The following SLC44A2 variants were observed in gnomAD, a reference collection of about 807,000 sequenced individuals.
SLC44A2 encodes solute carrier family 44 member 2 (CTL2 blood group), also known as choline transporter-like protein 2.
In SLC44A2, 57 loss-of-function variants were observed where a neutral mutation model predicts 90.8. The observed-to-expected ratio is 0.63, with a 90% confidence interval of 0.51 to 0.78. SLC44A2 has a LOEUF of 0.78. Ranked by LOEUF, SLC44A2 falls within the 30% of genes least tolerant of loss-of-function variation. The probability of loss-of-function intolerance (pLI) is 0.00; values close to 1 mark genes in which losing one functional copy is unlikely to be tolerated. For synonymous variants in SLC44A2, 355 were observed against 360.7 expected (o/e 0.98, Z 0.18); for missense variants, 794 against 919.7 (o/e 0.86, Z 1.77).
chr19:10,635,442 C>T lies in SLC44A2; in HGVS notation c.1160C>T (p.Thr387Ile). The stretch of plus-strand genomic sequence containing the variant: ...TAACGAACCTCCAGCTTCCTGTCCA[C>T]TTCCAACGAAGCGGTCTATAAGATC... ...YWASTAVFLSTSNEAVYKIFD... is the reference protein window; with the variant it reads ...YWASTAVFLSISNEAVYKIFD... Residue 387 changes from threonine (T) to isoleucine (I), a missense_variant, in exon 14 of 22, where the codon ACT (threonine) becomes ATT (isoleucine). Thr to Ile is a moderately conservative substitution (Grantham distance 89, BLOSUM62 -1). Transcript: ENST00000335757. 1 of 1,614,166 alleles carries T rather than the reference C, an allele frequency of 6.2e-7. No individual in the cohort carries two copies. Among genetic ancestry groups the T allele is most frequent in the Non-Finnish European group, 8.5e-7 (1 of 1,180,032 alleles).
At chr19:10,634,210 G>A (rs912246951) in intron 10 of SLC44A2, among the ~76,000 whole-genome samples, 2 of 132,008 alleles carry the variant, frequency 1.5e-5, no homozygotes, top group African/African-American at 5.8e-5. Flanking sequence ...GGCTGGTCTC[G>A]AACTCCTGAC....
chr19:10,640,884 A>G (rs2067108078), intron 20 of SLC44A2, among the ~76,000 whole-genome samples: 1 of 151,698 alleles, frequency 6.6e-6, no homozygotes, highest in African/African-American at 2.4e-5. Flanking sequence ...CAGGAGATTG[A>G]GACCATCCTG....
chr19:10,606,768 G>A (rs1918115780), intron 1 of SLC44A2, among the ~76,000 whole-genome samples: 1 of 151,814 alleles, frequency 6.6e-6, no homozygotes, highest in Non-Finnish European at 1.5e-5. Flanking sequence ...CTGAGATCGT[G>A]CCATTTCTCT....
rs142287687 is a variant in SLC44A2, at chr19:10,628,944, G to A, written c.245+940G>A. On this transcript the variant is annotated intron_variant, in intron 4 of 21. Coordinates refer to ENST00000335757, the MANE Select transcript of SLC44A2 (RefSeq NM_020428.4). ...AGAATGCCACCTGGCATCGCTGGGCGTGGTGGCTCACACCTGTAATCCCAG... is the reference window on the plus strand; with the variant it reads ...AGAATGCCACCTGGCATCGCTGGGCATGGTGGCTCACACCTGTAATCCCAG... Among the ~76,000 whole-genome samples, 453 of 151,944 alleles carry A rather than the reference G, an allele frequency of 3.0e-3. 2 individuals are homozygous for A. The highest frequency in any genetic ancestry group is 0.014 in the Middle Eastern group (4 of 292).
intron 16 of SLC44A2, 34 bp downstream of exon 16, chr19:10,636,790 T>C (rs1460976097): frequency 1.9e-6 from 3 of 1,594,958 alleles, no homozygotes; most frequent in Middle Eastern, 1.7e-4. Flanking sequence ...TTAGCTCCTG[T>C]TGCGGGGCGA....
chr19:10,632,239 A>G, intron 10 of SLC44A2, 83 bp downstream of exon 10: 1 of 1,347,350 alleles, frequency 7.4e-7, no homozygotes, highest in Non-Finnish European at 1.1e-6. Context: ...CCCATCAGGA[A>G]AACAAAAAAA....
At chr19:10,602,910 T>A (rs966396289) in intron 1 of SLC44A2, among the ~76,000 whole-genome samples, 5 of 151,884 alleles carry the variant, frequency 3.3e-5, no homozygotes, top group African/African-American at 1.2e-4. Flanking sequence ...CCTCCTCAAA[T>A]CCCCCTCCTC....
chr19:10,639,594 A>G (rs951291958), intron 20 of SLC44A2, among the ~76,000 whole-genome samples: 1 of 152,068 alleles, frequency 6.6e-6, no homozygotes, highest in African/African-American at 2.4e-5. Flanking sequence ...AAGTGGAGAT[A>G]AGGGCCAGGC....
chr19:10,629,957 G>T (rs751883232), intron 4 of SLC44A2, among the ~76,000 whole-genome samples: 1 of 150,254 alleles, frequency 6.7e-6, no homozygotes, highest in Admixed American at 6.6e-5. Flanking sequence ...GTTTCGCCAC[G>T]TTGGCCAGGC....
chr19:10,618,823 T>C (rs1282930502), intron 1 of SLC44A2, among the ~76,000 whole-genome samples: 2 of 151,766 alleles, frequency 1.3e-5, no homozygotes, highest in African/African-American at 4.8e-5. Context: ...ATCCGCCTGC[T>C]TCAGCCTCCC....
In SLC44A2 at chr19:10,636,317, C is replaced by T; in HGVS notation, c.1234-6C>T. ...TTTGGACTCGGTTCTCCCTTCTCTCCCACAGACCTTCCCCTCCTCCAATGA... is the reference window on the plus strand; with the variant it reads ...TTTGGACTCGGTTCTCCCTTCTCTCTCACAGACCTTCCCCTCCTCCAATGA... On this transcript the variant is annotated splice_polypyrimidine_tract_variant and splice_region_variant and intron_variant, in intron 14 of 21. Transcript: ENST00000335757. 1 of 1,608,580 alleles carries T rather than the reference C, an allele frequency of 6.2e-7. No individual in the cohort carries two copies. Among genetic ancestry groups the T allele is most frequent in the Non-Finnish European group, 8.5e-7 (1 of 1,176,464 alleles).
rs1042799548 is a variant in SLC44A2 at position 10,643,479 on chromosome 19, C to G, written c.*94C>G. 57 of 1,399,022 alleles carry G rather than the reference C, an allele frequency of 4.1e-5. No homozygotes were observed. In the Admixed American group the frequency reaches 1.2e-3, roughly 31 times the overall value. 86.7% of individuals were successfully genotyped at this position (1,399,022 alleles called of 1,614,324 possible). ...CCAGCCCCTTGGGCTCACCTGAAGTCCTATCACTGCCGCTCTGCCCCTCCC... is the reference window on the plus strand; with the variant it reads ...CCAGCCCCTTGGGCTCACCTGAAGTGCTATCACTGCCGCTCTGCCCCTCCC... On this transcript the variant is annotated 3_prime_UTR_variant, in exon 22 of 22. Transcript: ENST00000335757.
At chr19:10,611,996 T>C (rs975899247) in intron 1 of SLC44A2, among the ~76,000 whole-genome samples, 1 of 152,128 alleles carries the variant, frequency 6.6e-6, no homozygotes, top group African/African-American at 2.4e-5. Flanking sequence ...ACCTCAGAGG[T>C]AGCTCAGCCA....
At chr19:10,620,896 AG>A (rs2066890626), upstream of SLC44A2, among the ~76,000 whole-genome samples, 1 of 152,068 alleles carries the variant, frequency 6.6e-6, no homozygotes, top group East Asian at 1.9e-4. Flanking sequence ...AAAATTAGGC[AG>A]GCATGGTGGT....
intron 20 of SLC44A2, among the ~76,000 whole-genome samples, chr19:10,640,106 TC>T (rs60874955): frequency 0.64 from 71,437 of 111,412 alleles, 24,347 homozygotes; most frequent in African/African-American, 0.75. Context: ...TTTTTTTTTT[TC>T]TGCGATAGAG....
At chr19:10,622,870 C>G (rs903808267), upstream of SLC44A2, among the ~76,000 whole-genome samples, 1 of 152,156 alleles carries the variant, frequency 6.6e-6, no homozygotes, top group African/African-American at 2.4e-5. Context: ...CCACTGCATT[C>G]CAGCCTGGGC....
chr19:10,604,657 G>C (rs934926472), intron 1 of SLC44A2, among the ~76,000 whole-genome samples: 3 of 152,032 alleles, frequency 2.0e-5, no homozygotes, highest in Non-Finnish European at 4.4e-5. Flanking sequence ...GGGTGAGTCC[G>C]TGACCTCTCT....
chr19:10,627,786 G>T lies in SLC44A2; in HGVS notation c.151G>T (p.Gly51Cys), dbSNP rs1416338289. 6 of 1,614,104 alleles carry T rather than the reference G, an allele frequency of 3.7e-6. No individual in the cohort carries two copies. The highest frequency in any genetic ancestry group is 1.7e-6 in the Non-Finnish European group (2 of 1,180,030). ...GGCCATTGTGGGCTACGTGGCTGTA[G>T]GCATCATAGGTGAGTAGAGAATGAG... ...LLAIVGYVAV[G>C]IIAWTHGDPR... is the part of the protein sequence containing the mutation. The change falls in exon 3 of 22, where the codon GGC becomes TGC. Residue 51 changes from glycine (G) to cysteine (C), a missense_variant. By Grantham distance (159) the Gly-to-Cys change is radical. Coordinates refer to ENST00000335757, the MANE Select transcript of SLC44A2 (RefSeq NM_020428.4).
In SLC44A2 at chr19:10,638,035, G is replaced by A; in HGVS notation, c.1782G>A (p.Leu594=). 2 of 1,613,964 alleles carry A rather than the reference G, an allele frequency of 1.2e-6. No homozygotes were observed. The highest frequency in any genetic ancestry group is 1.7e-6 in the Non-Finnish European group (2 of 1,179,978). Residue 594 remains leucine (L), a synonymous_variant, in exon 19 of 22, where the codon CTG becomes CTA. Coordinates refer to ENST00000335757, the MANE Select transcript of SLC44A2 (RefSeq NM_020428.4). Reference sequence around the variant, plus strand: ...CTGTCCCCTGCAGAGTGGCTGTCCTGGATAAAGTTACTGACTTCCTCTTCC... The same window carrying A: ...CTGTCCCCTGCAGAGTGGCTGTCCTAGATAAAGTTACTGACTTCCTCTTCC... The part of the protein sequence containing the change: ...LMRNIIRVAV[L]DKVTDFLFLL...
Sources: allele counts gnomAD v4.1 joint callset (sites outside exome capture counted in the v4.1 genomes callset), GRCh38; gene constraint gnomAD v4.1.1; transcripts MANE v1.5; gene names NCBI Gene and HGNC (gene_info 2026-07-23, HGNC 2026-07-21).